SCN11A: variants seen among roughly 807,000 people sequenced by gnomAD.
SCN11A encodes sodium channel protein type 11 subunit alpha.
Under a neutral mutation model 162.2 loss-of-function variants are expected in SCN11A, and 122 were observed. The observed-to-expected ratio is 0.75, with a 90% CI of 0.65 to 0.87. The LOEUF (loss-of-function observed/expected upper bound fraction) is 0.87. Ranked by LOEUF, SCN11A falls within the 40% of genes least tolerant of loss-of-function variation. SCN11A has a pLI of 0.00. For synonymous variants in SCN11A, 758 were observed against 751.5 expected (o/e 1.01, Z -0.14); for missense variants, 2,015 against 2,181.6 (o/e 0.92, Z 1.52).
intron 7 of SCN11A, among the ~76,000 whole-genome samples, chr3:38,938,286 C>T (rs867626128): frequency 2.0e-4 from 30 of 151,100 alleles, no homozygotes; most frequent in Middle Eastern, 6.8e-3. Flanking sequence ...TGCTAATTGA[C>T]GAGTTAATGG....
At chr3:39,019,071 TAGG>T (rs2031374878) in intron 2 of SCN11A, among the ~76,000 whole-genome samples, 1 of 152,114 alleles carries the variant, frequency 6.6e-6, no homozygotes, top group Non-Finnish European at 1.5e-5. Flanking sequence ...ACCACCAGGC[TAGG>T]AGGATAGAGA....
chr3:39,017,193 A>C (rs2031313867), intron 2 of SCN11A, among the ~76,000 whole-genome samples: 1 of 152,214 alleles, frequency 6.6e-6, no homozygotes, highest in Admixed American at 6.5e-5. Flanking sequence ...TGAGAACACA[A>C]TAAAAATGAT....
Position 38,925,551 on chromosome 3 carries a change from C to T in SCN11A, c.618-42G>A, listed in dbSNP as rs73068563. ...AGGGAAGGCATGGGCTTGCTCAGTC[C>T]TGCAGCTGCACTGCACATCTCCACA... is the stretch of plus-strand genomic sequence containing the variant. On this transcript the variant is annotated intron_variant, in intron 8 of 29. Transcript: ENST00000302328. 177,964 of 1,375,698 alleles carry T rather than the reference C, an allele frequency of 0.13. 12,530 individuals carry two copies. Among genetic ancestry groups the T allele is most frequent in the East Asian group, 0.24 (10,347 of 43,436 alleles). 85.2% of individuals were successfully genotyped at this position (1,375,698 alleles called of 1,614,324 possible). A position where few individuals can be genotyped will look rare whatever the true frequency, so the allele number is the denominator to read the frequency against.
rs1464061958 is a variant in SCN11A at position 39,032,381 on chromosome 3, G to A, written c.-281C>T. Among the ~76,000 whole-genome samples, 5 of 151,838 alleles carry A rather than the reference G, an allele frequency of 3.3e-5. No individual in the cohort carries two copies. Among genetic ancestry groups the A allele is most frequent in the Admixed American group, 1.3e-4 (2 of 15,246 alleles). ...AACAAAAAATATGAAAACACTCACC[G>A]CTCCCCTCTGGTAAACAAGATGCCA... On this transcript the variant is annotated splice_region_variant and 5_prime_UTR_variant, in exon 2 of 30. Transcript: ENST00000302328.
rs747842323 is a variant in SCN11A at position 38,946,884 on chromosome 3, CTTTCTG to C, written c.285_290del (p.Asn95_Arg96del). 6.2e-7 allele frequency: 1 copy of C among 1,612,638 alleles called. No individual in the cohort carries two copies. The highest frequency in any genetic ancestry group is 1.1e-5 in the South Asian group (1 of 90,710). ...TGGCACTGAAGCGGTAGATTGTCCT[CTTTCTG>C]TTTAACACCATAAATGTCTGCAAAA... On this transcript the variant is annotated inframe_deletion, in exon 6 of 30. Coordinates refer to ENST00000302328, the MANE Select transcript of SCN11A (RefSeq NM_001349253.2).
rs930580771 is a variant in SCN11A, at chr3:38,897,055, C to T, written c.2193G>A (p.Lys731=). 3.1e-6 allele frequency: 5 copies of T among 1,614,114 alleles called. No individual in the cohort carries two copies. The South Asian group carries it at 3.3e-5, about 11-fold the overall frequency. The change falls in exon 18 of 30, where the codon AAG becomes AAA. Residue 731 remains lysine, a synonymous_variant. Transcript: ENST00000302328. ...QLFGRSFNSQ[K]SPKLCNPTGP... ...CTGTCGGGTTACAGAGTTTTGGACT[C>T]TTTTGGGAATTGAAGCTACGGCCAA...
At chr3:38,973,154 T>C (rs981284845) in intron 2 of SCN11A, among the ~76,000 whole-genome samples, 2 of 152,228 alleles carry the variant, frequency 1.3e-5, no homozygotes, top group African/African-American at 4.8e-5. Flanking sequence ...AGGTGTAAGT[T>C]TGAAGACCAT....
At chr3:38,934,897 C>T (rs1247961763) in intron 7 of SCN11A, among the ~76,000 whole-genome samples, 1 of 151,492 alleles carries the variant, frequency 6.6e-6, no homozygotes, top group African/African-American at 2.4e-5. Flanking sequence ...ATCTACAGAA[C>T]TCTCCACCCC....
Position 38,910,112 on chromosome 3 carries a change from A to G in SCN11A, c.1055T>C (p.Met352Thr). The G allele has an allele frequency of 6.2e-7, 1 of 1,614,042 alleles. No individual in the cohort carries two copies. The highest frequency in any genetic ancestry group is 1.1e-5 in the South Asian group (1 of 91,088). Reference protein sequence around the residue: ...FDNFGWSFLAMFRLMTQDSWE... With the variant: ...FDNFGWSFLATFRLMTQDSWE... ...GGAATCTTGGGTCATCAGCCGGAAC[A>G]TGGCAAGAAAAGACCAGCCAAAGTT... The change falls in exon 12 of 30, where the codon ATG (methionine) becomes ACG (threonine). Residue 352 changes from methionine to threonine, a missense_variant. Coordinates refer to ENST00000302328, the MANE Select transcript of SCN11A (RefSeq NM_001349253.2).
chr3:38,879,754 G>A (rs1372645398), intron 23 of SCN11A, among the ~76,000 whole-genome samples, 196 bp downstream of exon 23: 1 of 152,204 alleles, frequency 6.6e-6, no homozygotes, highest in Admixed American at 6.6e-5. Flanking sequence ...AGTGTATGAT[G>A]AGCGGGACCT....
chr3:38,906,874 C>T (rs1342721958), intron 14 of SCN11A, among the ~76,000 whole-genome samples: 1 of 152,124 alleles, frequency 6.6e-6, no homozygotes, highest in Non-Finnish European at 1.5e-5. Context: ...TCACTATAGC[C>T]TTGTGCCACC....
chr3:38,968,229 G>A (rs2066794805), intron 2 of SCN11A, among the ~76,000 whole-genome samples: 1 of 152,206 alleles, frequency 6.6e-6, no homozygotes, highest in East Asian at 1.9e-4. Context: ...GACAGAAAAT[G>A]TTCACTCTCA....
intron 25 of SCN11A, 148 bp from the exon 26 acceptor site, chr3:38,870,892 C>G (rs2065115023): frequency 1.6e-6 from 1 of 631,132 alleles, no homozygotes; most frequent in Admixed American, 2.7e-5. Flanking sequence ...AATAAAAGAA[C>G]AGTAGAAGGG....
chr3:38,938,144 A>G (rs2066367094), intron 7 of SCN11A, among the ~76,000 whole-genome samples: 1 of 150,648 alleles, frequency 6.6e-6, no homozygotes, highest in African/African-American at 2.4e-5. Flanking sequence ...AAAACCAAAC[A>G]CCGCATATTC....
At chr3:39,015,829 C>T (rs1430149477) in intron 2 of SCN11A, among the ~76,000 whole-genome samples, 2 of 152,036 alleles carry the variant, frequency 1.3e-5, no homozygotes, top group Non-Finnish European at 2.9e-5. Flanking sequence ...CTCCGCCTCC[C>T]GGGCTCAAGC....
At chr3:39,016,197 C>A (rs1366525441) in intron 2 of SCN11A, among the ~76,000 whole-genome samples, 3 of 152,202 alleles carry the variant, frequency 2.0e-5, no homozygotes, top group Admixed American at 2.0e-4. Context: ...ATCTGTCCCA[C>A]TTTGAGGCAA....
At chr3:38,926,502 T>TA (rs201419779) in intron 8 of SCN11A, among the ~76,000 whole-genome samples, 4 of 151,196 alleles carry the variant, frequency 2.6e-5, no homozygotes, top group Middle Eastern at 3.4e-3. Flanking sequence ...TTTTTTTTTT[T>TA]AATTTCATTG....
In SCN11A at chr3:38,915,940, C is replaced by T. The variant is rs555906235; in HGVS notation, c.959+3995G>A. On this transcript the variant is annotated intron_variant, in intron 11 of 29. Coordinates refer to ENST00000302328, the MANE Select transcript of SCN11A (RefSeq NM_001349253.2). ...ACTATTATTGTGTGGGAGTCTAAGT[C>T]TCTTTGTAGGTCTCTAAGAACTTGC... 1.4e-4 allele frequency among the ~76,000 whole-genome samples: 21 copies of T among 152,236 alleles called. No homozygotes were observed. In the South Asian group the frequency reaches 3.3e-3, roughly 24 times the overall value.
Position 38,897,041 on chromosome 3 carries a change from C to G in SCN11A, c.2207G>C (p.Cys736Ser), listed in dbSNP as rs760309563. 6.2e-7 allele frequency: 1 copy of G among 1,614,094 alleles called. No homozygotes were observed. The highest frequency in any genetic ancestry group is 8.5e-7 in the Non-Finnish European group (1 of 1,180,004). Residue 736 changes from cysteine to serine, a missense_variant, in exon 18 of 30, where the codon TGT (cysteine) becomes TCT (serine). Physicochemically the swap from Cys to Ser is moderately radical, Grantham distance 112. Transcript: ENST00000302328. The part of the protein sequence containing the change: ...SFNSQKSPKL[C>S]NPTGPTVSCL... Reference sequence around the variant, plus strand: ...TGAGACTGTCGGGCCTGTCGGGTTACAGAGTTTTGGACTCTTTTGGGAATT... The same window carrying G: ...TGAGACTGTCGGGCCTGTCGGGTTAGAGAGTTTTGGACTCTTTTGGGAATT...
Sources: gnomAD v4.1 joint callset for allele counts (sites outside exome capture counted in the v4.1 genomes callset) on GRCh38, gnomAD v4.1.1 for gene constraint, MANE v1.5 for transcripts, NCBI Gene and HGNC (gene_info 2026-07-23, HGNC 2026-07-21) for gene names.